The following GRM8 variants were observed in gnomAD, a reference collection of about 807,000 sequenced individuals.
GRM8 encodes the protein metabotropic glutamate receptor 8.
Under a neutral mutation model 87.2 loss-of-function variants are expected in GRM8, and 47 were observed. The ratio of observed to expected loss-of-function variants is 0.54; its 90% CI spans 0.43 to 0.69. The LOEUF is 0.69. Among genes scored for constraint, GRM8 ranks in the 30% least tolerant of loss-of-function variants. The pLI is 0.00. For synonymous variants in GRM8, 396 were observed against 404.5 expected, an observed-to-expected ratio of 0.98 and a Z score of 0.25; for missense variants, 1,019 against 1,139.2, an observed-to-expected ratio of 0.89 and a Z score of 1.52.
At chr7:127,207,559 TGCTAGGAA>T (rs1368357310) in intron 2 of GRM8, among the ~76,000 whole-genome samples, 5 of 152,192 alleles carry the variant, frequency 3.3e-5, no homozygotes, top group Admixed American at 2.0e-4. Context: ...ATCATAATCC[TGCTAGGAA>T]GGTGTTATTA....
intron 8 of GRM8, among the ~76,000 whole-genome samples, chr7:126,601,868 C>A (rs1797814624): frequency 7.1e-6 from 1 of 140,428 alleles, no homozygotes; most frequent in African/African-American, 2.5e-5. Context: ...AAAATTTTCT[C>A]CCATTTTGTG....
chr7:126,585,302 C>A (rs78700191), intron 8 of GRM8, among the ~76,000 whole-genome samples: 3,133 of 152,148 alleles, frequency 0.021, 122 homozygotes, highest in African/African-American at 0.072. Context: ...GGCATAAACC[C>A]ATCTGAGTAT....
chr7:126,553,543 C>T (rs1481139558), intron 8 of GRM8, among the ~76,000 whole-genome samples: 2 of 152,134 alleles, frequency 1.3e-5, no homozygotes, highest in East Asian at 1.9e-4. Context: ...ATGAATAAAA[C>T]TCAATGTAAT....
intron 7 of GRM8, among the ~76,000 whole-genome samples, chr7:126,717,041 G>A (rs1811829995): frequency 1.3e-5 from 2 of 152,198 alleles, no homozygotes; most frequent in Admixed American, 1.3e-4. Context: ...GAAATAGGGA[G>A]TAAGATCATT....
intron 6 of GRM8, among the ~76,000 whole-genome samples, chr7:126,780,933 A>T (rs1326048889): frequency 6.6e-6 from 1 of 152,144 alleles, no homozygotes; most frequent in Non-Finnish European, 1.5e-5. Context: ...TTCAGAAAGG[A>T]GCATACGGTG....
At chr7:126,651,952 T>A (rs1194638788) in intron 7 of GRM8, among the ~76,000 whole-genome samples, 15 of 152,150 alleles carry the variant, frequency 9.9e-5, no homozygotes, top group Admixed American at 9.8e-4. Flanking sequence ...GAAAAAACCA[T>A]GACCTGCTGG....
chr7:126,489,385 T>C (rs1382461514), intron 9 of GRM8, among the ~76,000 whole-genome samples: 1 of 152,074 alleles, frequency 6.6e-6, no homozygotes, highest in African/African-American at 2.4e-5. Flanking sequence ...AATGGAGACA[T>C]CTTTGAGAAT....
At chr7:126,749,278 AAAAAAT>A (rs1353312458) in intron 7 of GRM8, among the ~76,000 whole-genome samples, 1 of 152,094 alleles carries the variant, frequency 6.6e-6, no homozygotes, top group African/African-American at 2.4e-5. Context: ...CTCCATCTCA[AAAAAAT>A]AAAAATAATG....
At chr7:127,069,002 T>C (rs1322037165) in intron 3 of GRM8, among the ~76,000 whole-genome samples, 1 of 152,154 alleles carries the variant, frequency 6.6e-6, no homozygotes, top group African/African-American at 2.4e-5. Flanking sequence ...TTCCCTGCTT[T>C]TGTGAAGGAA....
At chr7:126,634,891 T>C (rs1801695777) in intron 7 of GRM8, among the ~76,000 whole-genome samples, 1 of 152,166 alleles carries the variant, frequency 6.6e-6, no homozygotes, top group African/African-American at 2.4e-5. Context: ...TTAAATAATC[T>C]CCATGAGGGT....
Position 127,242,967 on chromosome 7 carries a change from G to T in GRM8, c.238C>A (p.Leu80Ile), listed in dbSNP as rs1335495969. Residue 80 changes from leucine (L) to isoleucine (I), a missense_variant, in exon 2 of 11, where the codon CTT becomes ATT. By Grantham distance (5) the Leu-to-Ile change is conservative. Coordinates refer to ENST00000339582, the MANE Select transcript of GRM8 (RefSeq NM_000845.3). ...TTGTTAATCTGGTCAATTGCATAAA[G>T]CATGGCCTCCAGTCTGTGAATCCCC... ...EKGIHRLEAM[L>I]YAIDQINKDP... 6.2e-7 allele frequency: 1 copy of T among 1,614,096 alleles called. No homozygotes were observed. Among genetic ancestry groups the T allele is most frequent in the East Asian group, 2.2e-5 (1 of 44,874 alleles).
At chr7:126,809,062 T>C (rs1204971971) in intron 6 of GRM8, among the ~76,000 whole-genome samples, 1 of 152,178 alleles carries the variant, frequency 6.6e-6, no homozygotes, top group African/African-American at 2.4e-5. Flanking sequence ...GGAGAATCTG[T>C]TCCCTTGCGT....
rs1284344329 is a variant in GRM8 at position 126,866,259 on chromosome 7, T to C, written c.1156+36283A>G. Among the ~76,000 whole-genome samples the C allele has an allele frequency of 7.2e-5, 11 of 152,316 alleles. No homozygotes were observed. In the East Asian group the frequency reaches 1.5e-3, roughly 21 times the overall value. ...AATGTCTGTTCAAATCCTTTATCCATTTTTAATTGGGTTGTCTTTTATTGA... is the reference window on the plus strand; with the variant it reads ...AATGTCTGTTCAAATCCTTTATCCACTTTTAATTGGGTTGTCTTTTATTGA... On this transcript the variant is annotated intron_variant, in intron 6 of 10. Coordinates refer to ENST00000339582, the MANE Select transcript of GRM8 (RefSeq NM_000845.3).
intron 2 of GRM8, among the ~76,000 whole-genome samples, chr7:127,136,573 T>A (rs1472162762): frequency 6.6e-5 from 10 of 151,990 alleles, no homozygotes; most frequent in Non-Finnish European, 1.0e-4. Context: ...AGGGATATAT[T>A]TTTTTATTCA....
chr7:127,142,144 T>G (rs1828305767), intron 2 of GRM8, among the ~76,000 whole-genome samples: 1 of 151,962 alleles, frequency 6.6e-6, no homozygotes, highest in African/African-American at 2.4e-5. Context: ...CACCTAATAT[T>G]TTTTTAAAAA....
intron 3 of GRM8, among the ~76,000 whole-genome samples, chr7:127,071,013 C>T (rs1197399197): frequency 6.6e-6 from 1 of 152,042 alleles, no homozygotes; most frequent in African/African-American, 2.4e-5. Flanking sequence ...TTCGTTTTAC[C>T]TTCCAAATCG....
At chr7:127,139,321 A>T (rs1002175033) in intron 2 of GRM8, among the ~76,000 whole-genome samples, 4 of 152,128 alleles carry the variant, frequency 2.6e-5, no homozygotes, top group African/African-American at 9.7e-5. Context: ...AAAAGAGATA[A>T]CAAAATGTAA....
chr7:126,773,359 G>A (rs1228433940), intron 6 of GRM8, among the ~76,000 whole-genome samples: 1 of 152,074 alleles, frequency 6.6e-6, no homozygotes, highest in African/African-American at 2.4e-5. Flanking sequence ...AAATGCCTAA[G>A]CCAAATGGCT....
intron 7 of GRM8, among the ~76,000 whole-genome samples, chr7:126,631,418 G>A (rs1021513559): frequency 6.6e-6 from 1 of 151,996 alleles, no homozygotes; most frequent in Non-Finnish European, 1.5e-5. Flanking sequence ...TCATAATCAT[G>A]GATAGGAAGA....
Sources: allele counts gnomAD v4.1 joint callset (sites outside exome capture counted in the v4.1 genomes callset), GRCh38; gene constraint gnomAD v4.1.1; transcripts MANE v1.5; gene names NCBI Gene and HGNC (gene_info 2026-07-23, HGNC 2026-07-21).